SLC43A1: variants seen among roughly 807,000 people sequenced by gnomAD.
SLC43A1 encodes the protein solute carrier family 43 member 1.
Under a neutral mutation model 59.5 loss-of-function variants are expected in SLC43A1, and 31 were observed. That is an observed-to-expected ratio of 0.52 (90% CI 0.39 to 0.70). SLC43A1 has a LOEUF of 0.70. SLC43A1 is among the 30% of genes least tolerant of loss of function. The pLI is 0.00. For synonymous variants in SLC43A1, 259 were observed against 290.9 expected, an observed-to-expected ratio of 0.89 and a Z score of 1.12; for missense variants, 598 against 717.8, an observed-to-expected ratio of 0.83 and a Z score of 1.91.
chr11:57,512,783 C>T (rs1218140834), intron 2 of SLC43A1, among the ~76,000 whole-genome samples: 1 of 152,062 alleles, frequency 6.6e-6, no homozygotes, highest in Non-Finnish European at 1.5e-5. Flanking sequence ...CCTGTCACCC[C>T]ATAATTGGGG....
intron 5 of SLC43A1, among the ~76,000 whole-genome samples, chr11:57,498,203 AGCCGAAGCTGGTGGGAAGC>A (rs920754743): frequency 6.6e-6 from 1 of 152,052 alleles, no homozygotes; most frequent in African/African-American, 2.4e-5. Context: ...CACTTTGGGA[AGCCGAAGCTGGTGGGAAGC>A]TTGAGGTCAG....
At chr11:57,499,803 G>A (rs190963032) in intron 5 of SLC43A1, 21 of 152,596 alleles carry the variant, frequency 1.4e-4, no homozygotes, top group Admixed American at 1.4e-3. Context: ...CGCTGGACAA[G>A]CCCCACCCGG....
At chr11:57,492,356 G>A (rs1252632824) in intron 8 of SLC43A1, among the ~76,000 whole-genome samples, 1 of 140,658 alleles carries the variant, frequency 7.1e-6, no homozygotes, top group African/African-American at 2.6e-5. Flanking sequence ...AGGAGGCTGA[G>A]GCAGGAGGAT....
intron 2 of SLC43A1, among the ~76,000 whole-genome samples, chr11:57,511,317 A>G (rs568599912): frequency 6.6e-6 from 1 of 151,906 alleles, no homozygotes; most frequent in Admixed American, 6.5e-5. Flanking sequence ...AGTCCCAACT[A>G]TTCTGGAGGC....
At chr11:57,509,640 A>G (rs1381642972) in intron 2 of SLC43A1, among the ~76,000 whole-genome samples, 3 of 119,754 alleles carry the variant, frequency 2.5e-5, no homozygotes, top group African/African-American at 3.1e-5. Flanking sequence ...GAAGGAAGGA[A>G]GGAAGGAAGG....
At chr11:57,513,569 G>C (rs1944607216) in intron 2 of SLC43A1, among the ~76,000 whole-genome samples, 1 of 152,196 alleles carries the variant, frequency 6.6e-6, no homozygotes, top group African/African-American at 2.4e-5. Context: ...TCCTGAAAAG[G>C]GAAGGATGTG....
At position 57,514,251 on chromosome 11, in the gene SLC43A1, C is replaced by G; in HGVS notation, c.-13-127G>C. On this transcript the variant is annotated intron_variant, in intron 1 of 14. Coordinates refer to ENST00000278426, the MANE Select transcript of SLC43A1 (RefSeq NM_003627.6). This position sits in a 1 kb window ranked among gnomAD's most constrained non-coding sequence, Gnocchi z 5.5. Reference sequence around the variant, plus strand: ...AGCCCCTCATGGAGGCCCCATAGAGCCCTGGGCTTCCCAGCCGGTGCCAAG... The same window carrying G: ...AGCCCCTCATGGAGGCCCCATAGAGGCCTGGGCTTCCCAGCCGGTGCCAAG... 1 of 1,141,420 alleles carries G rather than the reference C, an allele frequency of 8.8e-7. No individual in the cohort carries two copies. The highest frequency in any genetic ancestry group is 1.2e-6 in the Non-Finnish European group (1 of 832,712). The allele number at this position is 1,141,420 out of a possible 1,614,324, so 70.7% of individuals were successfully genotyped here.
intron 8 of SLC43A1, among the ~76,000 whole-genome samples, chr11:57,492,965 G>A (rs942368908): frequency 3.3e-5 from 5 of 151,758 alleles, no homozygotes; most frequent in African/African-American, 7.3e-5. Context: ...GCTTGAACCC[G>A]GGAGGCGGAG....
chr11:57,491,706 G>C lies in SLC43A1; in HGVS notation c.1018+10C>G, dbSNP rs376126438. ...GCCCCCAACCCCCAGGGGCCTCAGC[G>C]GTGCCTCACCATGCTCCTGGCCACC... On this transcript the variant is annotated intron_variant, in intron 9 of 14. Transcript: ENST00000278426. 1 of 1,614,238 alleles carries C rather than the reference G, an allele frequency of 6.2e-7. No individual in the cohort carries two copies. The highest frequency in any genetic ancestry group is 1.1e-5 in the South Asian group (1 of 91,090).
At chr11:57,503,612 T>G (rs1001733974) in intron 2 of SLC43A1, among the ~76,000 whole-genome samples, 1 of 152,146 alleles carries the variant, frequency 6.6e-6, no homozygotes, top group Non-Finnish European at 1.5e-5. Context: ...CATGAGCAAC[T>G]GTGCCCGGCC....
intron 2 of SLC43A1, among the ~76,000 whole-genome samples, chr11:57,508,267 CA>C (rs56859989): frequency 3.2e-4 from 45 of 138,584 alleles, no homozygotes; most frequent in Non-Finnish European, 2.5e-4. Flanking sequence ...ATTCCATCTC[CA>C]AAAAAAAAAA....
rs139126291 is a variant in SLC43A1, at chr11:57,496,617, C to G, written c.559-453G>C. ...CTGGCACATTCCCCAGGGGAAAAGG[C>G]AAACCCAGACTGCTCATGCTCAGCC... On this transcript the variant is annotated intron_variant, in intron 6 of 14. Transcript: ENST00000278426. Among the ~76,000 whole-genome samples, 1,169 of 152,314 alleles carry G rather than the reference C, an allele frequency of 7.7e-3. 18 individuals are homozygous for G. The highest frequency in any genetic ancestry group is 0.024 in the Middle Eastern group (7 of 294).
chr11:57,493,011 G>C (rs1943981466), intron 8 of SLC43A1, among the ~76,000 whole-genome samples: 1 of 152,080 alleles, frequency 6.6e-6, no homozygotes, highest in Non-Finnish European at 1.5e-5. Flanking sequence ...CTGCACTCCA[G>C]CCTGGGCAAC....
intron 14 of SLC43A1, among the ~76,000 whole-genome samples, chr11:57,486,331 A>AT (rs1256008803): frequency 6.6e-6 from 1 of 151,780 alleles, no homozygotes; most frequent in Non-Finnish European, 1.5e-5. Context: ...TCTGTACAAA[A>AT]TTTTTTTTTA....
chr11:57,502,746 T>C (rs1490527861), intron 2 of SLC43A1, among the ~76,000 whole-genome samples: 1 of 151,560 alleles, frequency 6.6e-6, no homozygotes, highest in East Asian at 1.9e-4. Context: ...TGGCGATGCA[T>C]GTCTGTAGTT....
Position 57,494,133 on chromosome 11 carries a change from T to C in SLC43A1, c.731A>G (p.Lys244Arg), listed in dbSNP as rs1476660116. Reference sequence around the variant, plus strand: ...GGTGTAGAAGAGGTCACCTGTCACCTTGTGGTCCAGGGCCAGCCCACTCAG... The same window carrying C: ...GGTGTAGAAGAGGTCACCTGTCACCCTGTGGTCCAGGGCCAGCCCACTCAG... ...IKLSGLALDH[K>R]VTGDLFYTHV... Residue 244 changes from lysine to arginine, a missense_variant, in exon 8 of 15, where the codon AAG (lysine) becomes AGG (arginine). Physicochemically the swap from Lys to Arg is conservative, Grantham distance 26. Coordinates refer to ENST00000278426, the MANE Select transcript of SLC43A1 (RefSeq NM_003627.6). 1.2e-5 allele frequency: 19 copies of C among 1,610,728 alleles called. No homozygotes were observed. Among genetic ancestry groups the C allele is most frequent in the Non-Finnish European group, 1.6e-5 (19 of 1,178,652 alleles).
Position 57,485,245 on chromosome 11 carries a change from T to C in SLC43A1, c.1534-3A>G. The C allele has an allele frequency of 6.2e-7, 1 of 1,610,894 alleles. No individual in the cohort carries two copies. The highest frequency in any genetic ancestry group is 1.1e-5 in the South Asian group (1 of 90,612). ...AATAGCAGGAGGCCCAGATTCACCT[T>C]TAGGGCAAGGAGAGAGAAACAGAGT... On this transcript the variant is annotated splice_region_variant and splice_polypyrimidine_tract_variant and intron_variant, in intron 14 of 14. Coordinates refer to ENST00000278426, the MANE Select transcript of SLC43A1 (RefSeq NM_003627.6).
chr11:57,510,608 C>T (rs1415631896), intron 2 of SLC43A1, among the ~76,000 whole-genome samples: 2 of 151,800 alleles, frequency 1.3e-5, no homozygotes, highest in South Asian at 4.1e-4. Flanking sequence ...AAACCAGTTC[C>T]TTTTCCACTC....
chr11:57,509,673 GGAGGGAGGGAGGGAGA>G (rs1365011351), intron 2 of SLC43A1, among the ~76,000 whole-genome samples: 24 of 129,872 alleles, frequency 1.8e-4, no homozygotes, highest in East Asian at 6.9e-4. Flanking sequence ...AGGAAGGGAA[GGAGGGAGGGAGGGAGA>G]GAGGGAGGGA....
Sources: gnomAD v4.1 joint callset for allele counts (sites outside exome capture counted in the v4.1 genomes callset) on GRCh38, gnomAD v4.1.1 for gene constraint, Gnocchi (gnomAD v3.1) non-coding constraint, MANE v1.5 for transcripts, NCBI Gene and HGNC (gene_info 2026-07-23, HGNC 2026-07-21) for gene names.